The following MAP7 variants were observed in gnomAD, a reference collection of about 807,000 sequenced individuals.
The protein encoded by MAP7 is ensconsin.
A neutral mutation model predicts 94.8 loss-of-function variants in MAP7; 52 were observed. The observed-to-expected ratio is 0.55, with a 90% CI of 0.44 to 0.69. The LOEUF is 0.69. MAP7 is among the 30% of genes least tolerant of loss of function. MAP7 has a pLI of 0.00. For synonymous variants in MAP7, 350 were observed against 357.0 expected, an observed-to-expected ratio of 0.98 and a Z score of 0.22; for missense variants, 940 against 964.6, an observed-to-expected ratio of 0.97 and a Z score of 0.34.
intron 3 of MAP7, among the ~76,000 whole-genome samples, chr6:136,396,700 G>C (rs1182669308): frequency 1.3e-5 from 2 of 152,080 alleles, no homozygotes; most frequent in African/African-American, 4.8e-5. Flanking sequence ...GTTTGGTCCT[G>C]GGTAAATTGC....
Position 136,388,469 on chromosome 6 carries a change from G to C in MAP7, c.450C>G (p.Ser150Arg). Residue 150 changes from serine to arginine, a missense_variant, in exon 5 of 18, where the codon AGC (serine) becomes AGG (arginine). Transcript: ENST00000354570. ...EAVVRRTMER[S>R]QKPKQKHNRW... ...GGTTATGCTTCTGTTTTGGCTTCTG[G>C]CTCCTTTCCATTGTGCGCCGTACAA... 6.2e-7 allele frequency: 1 copy of C among 1,614,100 alleles called. No individual in the cohort carries two copies. The highest frequency in any genetic ancestry group is 8.5e-7 in the Non-Finnish European group (1 of 1,179,990).
intron 1 of MAP7, among the ~76,000 whole-genome samples, chr6:136,502,666 C>T (rs1279256651): frequency 6.6e-6 from 1 of 152,092 alleles, no homozygotes; most frequent in Non-Finnish European, 1.5e-5. Context: ...GCTGATGGGT[C>T]CTGAATCAAT....
At chr6:136,389,296 G>C in intron 4 of MAP7, 58 bp downstream of exon 4, 2 of 1,497,670 alleles carry the variant, frequency 1.3e-6, no homozygotes, top group Admixed American at 2.4e-5. Flanking sequence ...TTCACAGAAA[G>C]TTTGCTGCAT....
At position 136,404,941 on chromosome 6, in the gene MAP7, T is replaced by C. The variant is rs545532151; in HGVS notation, c.244+6679A>G. ...AAGGCATATCCTAATAGATTATCCATAGATAATAGGATAGATCCATAGGAA... is the reference window on the plus strand; with the variant it reads ...AAGGCATATCCTAATAGATTATCCACAGATAATAGGATAGATCCATAGGAA... On this transcript the variant is annotated intron_variant, in intron 3 of 17. Transcript: ENST00000354570. Among the ~76,000 whole-genome samples, 12 of 152,316 alleles carry C rather than the reference T, an allele frequency of 7.9e-5. No individual in the cohort carries two copies. The East Asian group carries it at 9.6e-4, about 12-fold the overall frequency.
intron 1 of MAP7, among the ~76,000 whole-genome samples, chr6:136,459,832 T>C (rs1804585625): frequency 6.6e-6 from 1 of 152,172 alleles, no homozygotes; most frequent in Non-Finnish European, 1.5e-5. Flanking sequence ...ATGTACAACA[T>C]GATGCCTATG....
chr6:136,485,554 G>GTT (rs1562452833), intron 1 of MAP7, among the ~76,000 whole-genome samples: 2 of 124,388 alleles, frequency 1.6e-5, no homozygotes, highest in African/African-American at 6.9e-5. Context: ...TTCCACTTCA[G>GTT]ATTTTTTTTT....
intron 3 of MAP7, among the ~76,000 whole-genome samples, chr6:136,397,883 T>C (rs2128697695): frequency 6.6e-6 from 1 of 152,230 alleles, no homozygotes; most frequent in South Asian, 2.1e-4. Flanking sequence ...GAACAGTATG[T>C]CCAAAAAATG....
At chr6:136,471,417 T>G (rs1435530663) in intron 1 of MAP7, among the ~76,000 whole-genome samples, 1 of 152,240 alleles carries the variant, frequency 6.6e-6, no homozygotes, top group East Asian at 1.9e-4. Flanking sequence ...GGTTTTTGTT[T>G]GTTTTCAACA....
intron 1 of MAP7, among the ~76,000 whole-genome samples, chr6:136,450,657 G>T (rs1004426267): frequency 6.6e-6 from 1 of 151,870 alleles, no homozygotes; most frequent in African/African-American, 2.4e-5. Flanking sequence ...GGTGGCTCAC[G>T]CCTGTAATCC....
chr6:136,386,885 A>T (rs191134583), intron 5 of MAP7, among the ~76,000 whole-genome samples: 40 of 152,332 alleles, frequency 2.6e-4, no homozygotes, highest in African/African-American at 8.7e-4. Flanking sequence ...CTCTTAGCTC[A>T]CTGTATCCTC....
At position 136,398,443 on chromosome 6, in the gene MAP7, C is replaced by T. The variant is rs542429858; in HGVS notation, c.245-8926G>A. Among the ~76,000 whole-genome samples the T allele has an allele frequency of 1.6e-4, 24 of 152,278 alleles. 2 individuals carry two copies. In the South Asian group the frequency reaches 2.3e-3, roughly 14 times the overall value. ...ATCAATAATTCCTGTCCTATTGCCA[C>T]GTAGAGTGATATGGTTTGGCTCTGT... On this transcript the variant is annotated intron_variant, in intron 3 of 17. Coordinates refer to ENST00000354570, the MANE Select transcript of MAP7 (RefSeq NM_003980.6).
At chr6:136,404,606 C>A (rs1375483889) in intron 3 of MAP7, among the ~76,000 whole-genome samples, 3 of 152,136 alleles carry the variant, frequency 2.0e-5, no homozygotes, top group Admixed American at 2.0e-4. Flanking sequence ...CATTCTCTTT[C>A]ATGATTTTAT....
At chr6:136,445,324 A>T (rs909211872) in intron 1 of MAP7, among the ~76,000 whole-genome samples, 4 of 152,190 alleles carry the variant, frequency 2.6e-5, no homozygotes, top group Non-Finnish European at 5.9e-5. Flanking sequence ...AGAAACCCTT[A>T]TCTTCCACTA....
At chr6:136,430,490 A>C (rs1231591944) in intron 1 of MAP7, among the ~76,000 whole-genome samples, 2 of 152,250 alleles carry the variant, frequency 1.3e-5, no homozygotes, top group Non-Finnish European at 2.9e-5. Flanking sequence ...AGTATTAGTT[A>C]ACTGAGTTTA....
rs1168706142 is a variant in MAP7, at chr6:136,465,412, A to G, written c.68-43613T>C. Among the ~76,000 whole-genome samples, 3 of 152,230 alleles carry G rather than the reference A, an allele frequency of 2.0e-5. No individual in the cohort carries two copies. In the South Asian group the frequency reaches 6.2e-4, roughly 31 times the overall value. ...TCACATTCAAATAATAATGAAATTC[A>G]GTGCTTATGCATCAACTATGTCTTA... On this transcript the variant is annotated intron_variant, in intron 1 of 17. Transcript: ENST00000354570.
At chr6:136,535,141 C>T (rs1292398055) in intron 1 of MAP7, among the ~76,000 whole-genome samples, 1 of 152,126 alleles carries the variant, frequency 6.6e-6, no homozygotes, top group Non-Finnish European at 1.5e-5. Context: ...TGGATCATGG[C>T]GGTGCAACCT....
intron 1 of MAP7, among the ~76,000 whole-genome samples, chr6:136,507,009 T>C (rs564283067): frequency 1.3e-5 from 2 of 152,260 alleles, no homozygotes; most frequent in East Asian, 3.9e-4. Flanking sequence ...CATAAACTTG[T>C]TCTGACCACG....
chr6:136,543,106 G>A (rs1191476792), intron 1 of MAP7, among the ~76,000 whole-genome samples: 1 of 152,080 alleles, frequency 6.6e-6, no homozygotes, highest in Non-Finnish European at 1.5e-5. Context: ...CCACTCCTAG[G>A]TATTTACCCA....
intron 1 of MAP7, among the ~76,000 whole-genome samples, chr6:136,492,108 G>C (rs932439528): frequency 7.2e-5 from 11 of 152,146 alleles, no homozygotes; most frequent in South Asian, 4.1e-4. Context: ...GGCAGGGGGT[G>C]GGGGGAGAGA....
Sources: allele counts gnomAD v4.1 joint callset (sites outside exome capture counted in the v4.1 genomes callset), GRCh38; gene constraint gnomAD v4.1.1; transcripts MANE v1.5; gene names NCBI Gene and HGNC (gene_info 2026-07-23, HGNC 2026-07-21).